PDE6A: variants seen among roughly 807,000 people sequenced by gnomAD.
PDE6A encodes the protein phosphodiesterase 6A.
Under a neutral mutation model 106.3 loss-of-function variants are expected in PDE6A, and 84 were observed. The ratio of observed to expected loss-of-function variants is 0.79; its 90% CI spans 0.66 to 0.95. The LOEUF is 0.95. Among genes scored for constraint, PDE6A ranks in the 40% least tolerant of loss-of-function variants. The pLI is 0.00. For missense variants in PDE6A, 1,052 were observed against 1,084.9 expected, an observed-to-expected ratio of 0.97 and a Z score of 0.43; for synonymous variants, 394 against 386.6, an observed-to-expected ratio of 1.02 and a Z score of -0.23.
At chr5:149,895,412 T>A in intron 12 of PDE6A, 122 bp from the exon 13 acceptor site, 1 of 734,674 alleles carries the variant, frequency 1.4e-6, no homozygotes, top group Non-Finnish European at 2.5e-6. Flanking sequence ...TGAGGTACTC[T>A]AACCCCATCA....
At chr5:149,941,848 T>TCA (rs1348510082) in intron 1 of PDE6A, among the ~76,000 whole-genome samples, 3 of 152,250 alleles carry the variant, frequency 2.0e-5, no homozygotes, top group Non-Finnish European at 2.9e-5. Flanking sequence ...GTTTATTAGA[T>TCA]CATGGTGTTG....
chr5:149,896,679 A>T (rs780953320), intron 11 of PDE6A, 32 bp downstream of exon 11: 3 of 1,614,080 alleles, frequency 1.9e-6, no homozygotes, highest in African/African-American at 1.3e-5. Flanking sequence ...CTTGTTATAC[A>T]TCGGGGCTCG....
At chr5:149,912,434 A>G (rs990059636) in intron 6 of PDE6A, among the ~76,000 whole-genome samples, 2 of 152,228 alleles carry the variant, frequency 1.3e-5, no homozygotes, top group Non-Finnish European at 2.9e-5. Flanking sequence ...TCCTGGGCAC[A>G]AGGTCAGACT....
intron 5 of PDE6A, among the ~76,000 whole-genome samples, chr5:149,920,942 A>AAAAGAAAGACAG (rs1554091217): frequency 3.7e-5 from 4 of 108,350 alleles, no homozygotes; most frequent in Admixed American, 2.1e-4. Flanking sequence ...GAAAGAGAGA[A>AAAAGAAAGACAG]AAAGAAAGAA....
At chr5:149,890,520 C>T (rs1164438279) in intron 13 of PDE6A, among the ~76,000 whole-genome samples, 3 of 151,998 alleles carry the variant, frequency 2.0e-5, no homozygotes, top group East Asian at 1.9e-4. Flanking sequence ...TCTAGTATTC[C>T]TGGTATAACA....
At chr5:149,932,050 C>A in intron 3 of PDE6A, 1 of 1,514,846 alleles carries the variant, frequency 6.6e-7, no homozygotes, top group African/African-American at 1.4e-5. Flanking sequence ...AGCCAGAAAG[C>A]TACAGTAATT....
intron 13 of PDE6A, among the ~76,000 whole-genome samples, chr5:149,889,039 G>A (rs909656546): frequency 1.7e-4 from 24 of 138,774 alleles, no homozygotes; most frequent in African/African-American, 6.7e-4. Context: ...GCTGAGATGT[G>A]CCACTGCACT....
At chr5:149,915,934 C>T (rs571635731) in intron 5 of PDE6A, among the ~76,000 whole-genome samples, 2 of 152,348 alleles carry the variant, frequency 1.3e-5, no homozygotes, top group African/African-American at 4.8e-5. Flanking sequence ...CAGACCCTTA[C>T]TGGTGTCAAT....
At chr5:149,934,800 G>A (rs550899833) in intron 1 of PDE6A, 82 bp from the exon 2 acceptor site, 348 of 1,354,666 alleles carry the variant, frequency 2.6e-4, no homozygotes, top group Non-Finnish European at 3.5e-4. Context: ...GTTGACAAGG[G>A]AATAAAGGTG....
intron 17 of PDE6A, among the ~76,000 whole-genome samples, chr5:149,874,301 TTC>T (rs1157715417): frequency 5.3e-5 from 8 of 152,226 alleles, no homozygotes; most frequent in African/African-American, 1.7e-4. Flanking sequence ...TTACCTACCC[TTC>T]TGTCTGACTT....
chr5:149,891,795 C>T (rs1168125629), intron 13 of PDE6A, among the ~76,000 whole-genome samples: 4 of 151,372 alleles, frequency 2.6e-5, no homozygotes, highest in Non-Finnish European at 5.9e-5. Context: ...AGAGCAAGAC[C>T]CTATCTCAAA....
intron 12 of PDE6A, among the ~76,000 whole-genome samples, chr5:149,895,812 A>G (rs1026969420): frequency 2.0e-5 from 3 of 151,472 alleles, no homozygotes; most frequent in Non-Finnish European, 4.4e-5. Context: ...GAGAGAGAGA[A>G]AAAGAAGAAT....
intron 1 of PDE6A, chr5:149,940,117 G>T (rs1264485184): frequency 6.6e-6 from 1 of 152,002 alleles, no homozygotes; most frequent in Non-Finnish European, 1.5e-5. Context: ...AAACACCTGT[G>T]TACTTGAACC....
At chr5:149,877,326 C>T (rs1760778141) in intron 17 of PDE6A, among the ~76,000 whole-genome samples, 1 of 152,168 alleles carries the variant, frequency 6.6e-6, no homozygotes, top group East Asian at 1.9e-4. Flanking sequence ...GCCTGTAATC[C>T]CAGCACTTTG....
In PDE6A at chr5:149,896,441, G is replaced by C; in HGVS notation, c.1535C>G (p.Pro512Arg). 6.2e-7 allele frequency: 1 copy of C among 1,613,830 alleles called. No individual in the cohort carries two copies. Among genetic ancestry groups the C allele is most frequent in the South Asian group, 1.1e-5 (1 of 91,056 alleles). ...TTTTACCAGCTCCAGTTCTGTTAGG[G>C]GTAAGTCACTGAAGTGAAATTTATT... ...EINKFHFSDL[P>R]LTELELVKCG... The change falls in exon 12 of 22, where the codon CCC becomes CGC. Residue 512 changes from proline (P) to arginine (R), a missense_variant. By Grantham distance (103) the Pro-to-Arg change is moderately radical. Coordinates refer to ENST00000255266, the MANE Select transcript of PDE6A (RefSeq NM_000440.3).
In PDE6A at chr5:149,940,303, G is replaced by T. The variant is rs535574297; in HGVS notation, c.474+3897C>A. On this transcript the variant is annotated intron_variant, in intron 1 of 21. Transcript: ENST00000255266. ...ACAATTACAGTTAGAAGAGTTGAAG[G>T]GAGAATAGACTCCAGTCCAGTTGGA... 6.6e-5 allele frequency among the ~76,000 whole-genome samples: 10 copies of T among 152,254 alleles called. No homozygotes were observed. The South Asian group carries it at 2.1e-3, about 32-fold the overall frequency.
At chr5:149,899,266 G>C in intron 9 of PDE6A, 109 bp downstream of exon 9, 1 of 1,046,676 alleles carries the variant, frequency 9.6e-7, no homozygotes, top group Non-Finnish European at 1.5e-6. Context: ...GCAGAGTCAG[G>C]GTTATAGCAA....
chr5:149,927,283 G>A (rs1753891320), intron 4 of PDE6A, among the ~76,000 whole-genome samples: 1 of 152,190 alleles, frequency 6.6e-6, no homozygotes, highest in Admixed American at 6.5e-5. Flanking sequence ...TGCTCTGCGT[G>A]AGTCAGTGAG....
rs764134058 is a variant in PDE6A at position 149,858,816 on chromosome 5, C to CTTTTTTTTTTTTTTTTTTTTTTTTTTTTT, written c.*2078_*2079insAAAAAAAAAAAAAAAAAAAAAAAAAAAAA. ...AAGAGAGAAATTCTATCTGCCACAT[C>CTTTTTTTTTTTTTTTTTTTTTTTTTTTTT]TTTTTTTTTTCTTTTTTTTTTTTTT... On this transcript the variant is annotated 3_prime_UTR_variant, in exon 22 of 22. Transcript: ENST00000255266. 2 of 79,148 alleles carry CTTTTTTTTTTTTTTTTTTTTTTTTTTTTT rather than the reference C, an allele frequency of 2.5e-5. No homozygotes were observed. The highest frequency in any genetic ancestry group is 5.2e-5 in the African/African-American group (1 of 19,388). 4.9% of individuals were successfully genotyped at this position (79,148 alleles called of 1,614,324 possible). A position where few individuals can be genotyped will look rare whatever the true frequency, so the allele number is the denominator to read the frequency against.
Sources: gnomAD v4.1 joint callset for allele counts (sites outside exome capture counted in the v4.1 genomes callset) on GRCh38, gnomAD v4.1.1 for gene constraint, MANE v1.5 for transcripts, NCBI Gene and HGNC (gene_info 2026-07-23, HGNC 2026-07-21) for gene names.